The following PHLPP2 variants were observed in gnomAD, a reference collection of about 807,000 sequenced individuals.
PHLPP2 encodes the protein PH domain leucine-rich repeat-containing protein phosphatase 2.
In PHLPP2, 66 loss-of-function variants were observed where a neutral mutation model predicts 124.9. That is an observed-to-expected ratio of 0.53 (90% confidence interval 0.43 to 0.65). The LOEUF is 0.65. Ranked by LOEUF, PHLPP2 falls within the 30% of genes least tolerant of loss-of-function variation. The pLI is 0.00. For missense variants in PHLPP2, 1,685 were observed against 1,600.4 expected, an observed-to-expected ratio of 1.05 and a Z score of -0.90; for synonymous variants, 681 against 624.7, an observed-to-expected ratio of 1.09 and a Z score of -1.34.
chr16:71,677,654 G>A (rs1597000274), intron 8 of PHLPP2: 1 of 148,934 alleles, frequency 6.7e-6, no homozygotes, highest in Non-Finnish European at 1.5e-5. Context: ...CTCTCTTACT[G>A]TCTTTACAAG....
At chr16:71,652,760 C>A in intron 18 of PHLPP2, 30 bp downstream of exon 18, 1 of 1,523,390 alleles carries the variant, frequency 6.6e-7, no homozygotes, top group South Asian at 1.1e-5. Context: ...ATTTGGGGAG[C>A]AGAAGTGACT....
At position 71,700,421 on chromosome 16, in the gene PHLPP2, T is replaced by TA. The variant is rs573643274; in HGVS notation, c.418+2176dup. Among the ~76,000 whole-genome samples, 1,129 of 140,820 alleles carry TA rather than the reference T, an allele frequency of 8.0e-3. 11 individuals are homozygous for TA. The highest frequency in any genetic ancestry group is 0.01 in the Non-Finnish European group (665 of 64,232). The allele number at this position is 140,820 out of a possible 152,430, so 92.4% of individuals were successfully genotyped here. A position where few individuals can be genotyped will look rare whatever the true frequency, so the allele number is the denominator to read the frequency against. On this transcript the variant is annotated intron_variant, in intron 3 of 18. Transcript: ENST00000568954. ...CCCTGTCTCAAAAAAAATAAAAAATTAAAAAAAAAAATAGACCCACAAATT... is the reference window on the plus strand; with the variant it reads ...CCCTGTCTCAAAAAAAATAAAAAATTAAAAAAAAAAAATAGACCCACAAATT...
At chr16:71,705,656 C>T (rs1262909761) in intron 2 of PHLPP2, among the ~76,000 whole-genome samples, 3 of 152,044 alleles carry the variant, frequency 2.0e-5, no homozygotes, top group African/African-American at 7.2e-5. Context: ...GGACTACAGG[C>T]CCACGCCACC....
chr16:71,680,265 G>T (rs551186849), intron 6 of PHLPP2, among the ~76,000 whole-genome samples: 7 of 152,200 alleles, frequency 4.6e-5, no homozygotes, highest in African/African-American at 1.4e-4. Context: ...TAACAAATAG[G>T]TAGATCAAAT....
rs1463478508 is a variant in PHLPP2, at chr16:71,676,554, T to C, written c.1364A>G (p.Asp455Gly). The change falls in exon 9 of 19, where the codon GAT (aspartate) becomes GGT (glycine). Residue 455 changes from aspartate to glycine, a missense_variant. Transcript: ENST00000568954. ...TTCCAAGCTGCATAAGGAGCTAAGATCCAAGTCAGTCAGTCGGTTGTCCCG... is the reference window on the plus strand; with the variant it reads ...TTCCAAGCTGCATAAGGAGCTAAGACCCAAGTCAGTCAGTCGGTTGTCCCG... ...DLRDNRLTDL[D>G]LSSLCSLEQL... 6.2e-7 allele frequency: 1 copy of C among 1,613,924 alleles called. No individual in the cohort carries two copies. Among genetic ancestry groups the C allele is most frequent in the East Asian group, 2.2e-5 (1 of 44,898 alleles).
At position 71,655,223 on chromosome 16, in the gene PHLPP2, T is replaced by C; in HGVS notation, c.2585+17A>G. On this transcript the variant is annotated intron_variant, in intron 17 of 18. Transcript: ENST00000568954. ...AAAGTAGAACTGAGTTAGGGATTTT[T>C]CAACCCACCTGCTTACCTGTGAGAT... is the stretch of plus-strand genomic sequence containing the variant. 6.3e-7 allele frequency: 1 copy of C among 1,580,782 alleles called. No individual in the cohort carries two copies. The highest frequency in any genetic ancestry group is 1.7e-5 in the Admixed American group (1 of 59,476).
At chr16:71,691,726 C>G (rs1189590275) in intron 3 of PHLPP2, among the ~76,000 whole-genome samples, 2 of 151,944 alleles carry the variant, frequency 1.3e-5, no homozygotes, top group East Asian at 3.9e-4. Context: ...GGTGGAAATT[C>G]TACTTCTCAT....
rs1201208597 is a variant in PHLPP2, at chr16:71,646,611, T to G, written c.*2279A>C. The stretch of plus-strand genomic sequence containing the variant: ...AATAACTTTAATTTTTAGACATCAC[T>G]ATTCTACAACCCGAAGGTTCTGCCA... On this transcript the variant is annotated 3_prime_UTR_variant, in exon 19 of 19. Transcript: ENST00000568954. 6.6e-6 allele frequency: 1 copy of G among 152,218 alleles called. No individual in the cohort carries two copies. The highest frequency in any genetic ancestry group is 2.4e-5 in the African/African-American group (1 of 41,448). The allele number at this position is 152,218 out of a possible 1,614,324, so 9.4% of individuals were successfully genotyped here. A position where few individuals can be genotyped will look rare whatever the true frequency, so the allele number is the denominator to read the frequency against.
chr16:71,679,129 C>T lies in PHLPP2; in HGVS notation c.1038-144G>A, dbSNP rs114228190. 876 of 628,884 alleles carry T rather than the reference C, an allele frequency of 1.4e-3. 11 individuals are homozygous for T. The African/African-American group carries it at 0.015, about 11-fold the overall frequency. The allele number at this position is 628,884 out of a possible 1,614,324, so 39.0% of individuals were successfully genotyped here. A position where few individuals can be genotyped will look rare whatever the true frequency, so the allele number is the denominator to read the frequency against. ...TGTCCTAACTCTCCATCTATGCAGA[C>T]TTAATAGATGATTTACACACAACTT... On this transcript the variant is annotated intron_variant, in intron 7 of 18. Coordinates refer to ENST00000568954, the MANE Select transcript of PHLPP2 (RefSeq NM_015020.3).
chr16:71,671,242 G>A lies in PHLPP2; in HGVS notation c.1532+1020C>T, dbSNP rs944562062. 3.3e-5 allele frequency among the ~76,000 whole-genome samples: 5 copies of A among 152,148 alleles called. No individual in the cohort carries two copies. The South Asian group carries it at 6.2e-4, about 19-fold the overall frequency. On this transcript the variant is annotated intron_variant, in intron 10 of 18. Coordinates refer to ENST00000568954, the MANE Select transcript of PHLPP2 (RefSeq NM_015020.3). ...CTTAAAATGATAATGATAAAGTAAC[G>A]AAATCAACAAAAAGAAACCTGGCTA...
intron 2 of PHLPP2, among the ~76,000 whole-genome samples, chr16:71,710,835 T>A (rs2045318934): frequency 6.6e-6 from 1 of 152,238 alleles, no homozygotes; most frequent in Non-Finnish European, 1.5e-5. Context: ...TTTTACAGAT[T>A]ACTACACTGA....
chr16:71,723,926 G>C (rs1430956006), intron 1 of PHLPP2: 1 of 669,800 alleles, frequency 1.5e-6, no homozygotes, highest in Admixed American at 5.7e-5. Flanking sequence ...GAGCCTCGGC[G>C]GCGCGCGCGA....
chr16:71,654,204 G>GAAAAAAAAAAAAAAAAAAAAAAAA (rs765826548), intron 17 of PHLPP2, among the ~76,000 whole-genome samples: 2 of 72,362 alleles, frequency 2.8e-5, no homozygotes, highest in African/African-American at 1.2e-4. Context: ...TCTCAAAAAA[G>GAAAAAAAAAAAAAAAAAAAAAAAA]AAAAAAAAAA....
At chr16:71,701,682 T>C (rs1005015387) in intron 3 of PHLPP2, among the ~76,000 whole-genome samples, 4 of 152,164 alleles carry the variant, frequency 2.6e-5, no homozygotes, top group African/African-American at 4.8e-5. Context: ...GAAAAAAATA[T>C]ACACAGTAGC....
rs1264649063 is a variant in PHLPP2 at position 71,655,402 on chromosome 16, A to C, written c.2423T>G (p.Phe808Cys). ...ATACACAGCTCCCACCCCCTCTGCAAAGCTATCCATAGCAAGTGCTGAGAC... is the reference window on the plus strand; with the variant it reads ...ATACACAGCTCCCACCCCCTCTGCACAGCTATCCATAGCAAGTGCTGAGAC... ...LCVSALAMDS[F>C]AEGVGAVYGM... is the part of the protein sequence containing the mutation. The change falls in exon 17 of 19, where the codon TTT (phenylalanine) becomes TGT (cysteine). Residue 808 changes from phenylalanine (F) to cysteine (C), a missense_variant. Phe to Cys is a radical substitution (Grantham distance 205). Coordinates refer to ENST00000568954, the MANE Select transcript of PHLPP2 (RefSeq NM_015020.3). 1.9e-6 allele frequency: 3 copies of C among 1,614,152 alleles called. No individual in the cohort carries two copies. Among genetic ancestry groups the C allele is most frequent in the Non-Finnish European group, 2.5e-6 (3 of 1,179,986 alleles).
At chr16:71,695,977 A>C (rs2045166037) in intron 3 of PHLPP2, among the ~76,000 whole-genome samples, 1 of 152,218 alleles carries the variant, frequency 6.6e-6, no homozygotes, top group African/African-American at 2.4e-5. Flanking sequence ...AACAAATTAA[A>C]ACACCACAGA....
chr16:71,669,398 C>A (rs752762856), intron 10 of PHLPP2, 28 bp from the exon 11 acceptor site: 5 of 1,498,738 alleles, frequency 3.3e-6, no homozygotes, highest in Non-Finnish European at 4.6e-6. Context: ...TTAAATGGCA[C>A]CATTTAAGAT....
chr16:71,703,002 T>C (rs1027129372), intron 2 of PHLPP2, among the ~76,000 whole-genome samples: 3 of 152,176 alleles, frequency 2.0e-5, no homozygotes, highest in Non-Finnish European at 4.4e-5. Context: ...CACTCTATTA[T>C]TTAGCTACCA....
Position 71,690,786 on chromosome 16 carries a change from G to GT in PHLPP2, c.419-78dup, listed in dbSNP as rs1382852327. The GT allele has an allele frequency of 4.9e-5, 49 of 995,434 alleles. No individual in the cohort carries two copies. In the East Asian group the frequency reaches 1.2e-3, roughly 25 times the overall value. 61.7% of individuals were successfully genotyped at this position (995,434 alleles called of 1,614,324 possible). On this transcript the variant is annotated intron_variant, in intron 3 of 18. Coordinates refer to ENST00000568954, the MANE Select transcript of PHLPP2 (RefSeq NM_015020.3). Reference sequence around the variant, plus strand: ...CAGAAATGGAAAAAGAAAGCATTGTGTGTCAACATTCAACAACCTTATTTA... The same window carrying GT: ...CAGAAATGGAAAAAGAAAGCATTGTGTTGTCAACATTCAACAACCTTATTTA...
Sources: allele counts gnomAD v4.1 joint callset (sites outside exome capture counted in the v4.1 genomes callset), GRCh38; gene constraint gnomAD v4.1.1; transcripts MANE v1.5; gene names NCBI Gene and HGNC (gene_info 2026-07-23, HGNC 2026-07-21).